The following SIL1 variants were observed in gnomAD, a reference collection of about 807,000 sequenced individuals.
SIL1 encodes nucleotide exchange factor SIL1.
Under a neutral mutation model 49.1 loss-of-function variants are expected in SIL1, and 40 were observed. The ratio of observed to expected loss-of-function variants is 0.81; its 90% CI spans 0.63 to 1.06. The LOEUF (loss-of-function observed/expected upper bound fraction) is 1.06, where lower values mean the gene tolerates loss of function less well. Among genes scored for constraint, SIL1 ranks in the 50% least tolerant of loss-of-function variants. SIL1 has a pLI of 0.00. For synonymous variants in SIL1, 253 were observed against 250.8 expected, an observed-to-expected ratio of 1.01 and a Z score of -0.08; for missense variants, 500 against 572.6, an observed-to-expected ratio of 0.87 and a Z score of 1.29.
chr5:138,966,602 G>GT lies in SIL1; in HGVS notation c.768-14719dup, dbSNP rs533240647. On this transcript the variant is annotated intron_variant, in intron 7 of 9. Transcript: ENST00000394817. ...ACTAGTACATCTTCCTGTGCCTCTT[G>GT]TGACAGAAATGCCAAAAACAAACAA... Among the ~76,000 whole-genome samples, 10 of 152,260 alleles carry GT rather than the reference G, an allele frequency of 6.6e-5. 1 individual carries two copies. Among genetic ancestry groups the GT allele is most frequent in the African/African-American group, 1.9e-4 (8 of 41,548 alleles).
intron 7 of SIL1, among the ~76,000 whole-genome samples, chr5:139,020,175 T>C (rs1039548928): frequency 9.2e-5 from 14 of 152,266 alleles, no homozygotes; most frequent in African/African-American, 2.6e-4. Context: ...GGCAGAGTGG[T>C]GATAACGGAA....
At chr5:139,018,545 G>C (rs911464340) in intron 7 of SIL1, among the ~76,000 whole-genome samples, 1 of 148,634 alleles carries the variant, frequency 6.7e-6, no homozygotes, top group African/African-American at 2.5e-5. Context: ...AGCCAAGATC[G>C]GGCCACTGTA....
intron 3 of SIL1, among the ~76,000 whole-genome samples, chr5:139,114,760 C>A (rs1186040900): frequency 1.3e-5 from 2 of 152,138 alleles, no homozygotes; most frequent in Non-Finnish European, 2.9e-5. Context: ...TGAAAAGTTG[C>A]CAGAGATAGC....
chr5:139,057,289 G>T (rs1769470688), intron 3 of SIL1, among the ~76,000 whole-genome samples: 1 of 108,176 alleles, frequency 9.2e-6, no homozygotes, highest in South Asian at 2.9e-4. Flanking sequence ...ATCCCCCTCT[G>T]CGAGAAACAC....
rs112039192 is a variant in SIL1, at chr5:139,069,975, A to G, written c.245-18929T>C. Among the ~76,000 whole-genome samples the G allele has an allele frequency of 5.5e-3, 840 of 152,272 alleles. 4 individuals carry two copies. Among genetic ancestry groups the G allele is most frequent in the African/African-American group, 0.019 (805 of 41,568 alleles). ...TTACTGTTTCGATGGGCTCTTCCTG[A>G]AGAATTTACTAGAAAATACATCCCA... On this transcript the variant is annotated intron_variant, in intron 3 of 9. Transcript: ENST00000394817.
Position 139,026,998 on chromosome 5 carries a change from G to A in SIL1, c.454-6C>T, listed in dbSNP as rs58624842. On this transcript the variant is annotated splice_polypyrimidine_tract_variant and splice_region_variant and intron_variant, in intron 5 of 9. Coordinates refer to ENST00000394817, the MANE Select transcript of SIL1 (RefSeq NM_022464.5). ...TTTACCTCAGCCTGCCTTGCCTAAGGAGAGCAGCAAAGAGGTGATTAAATT... is the reference window on the plus strand; with the variant it reads ...TTTACCTCAGCCTGCCTTGCCTAAGAAGAGCAGCAAAGAGGTGATTAAATT... The A allele has an allele frequency of 1.0e-3, 1,643 of 1,614,094 alleles. 20 individuals are homozygous for A. In the African/African-American group the frequency reaches 0.019, roughly 19 times the overall value.
At chr5:138,976,375 C>A (rs1212428406) in intron 7 of SIL1, among the ~76,000 whole-genome samples, 9 of 149,106 alleles carry the variant, frequency 6.0e-5, no homozygotes. Context: ...TGCAGTGGCA[C>A]GATCTCAGCT....
intron 9 of SIL1, among the ~76,000 whole-genome samples, chr5:138,949,131 T>G (rs1580973718): frequency 6.6e-6 from 1 of 152,252 alleles, no homozygotes; most frequent in Non-Finnish European, 1.5e-5. Flanking sequence ...GCGGATTATT[T>G]TCCCAGCACC....
At chr5:139,146,298 T>C (rs954485676) in intron 1 of SIL1, among the ~76,000 whole-genome samples, 1 of 152,204 alleles carries the variant, frequency 6.6e-6, no homozygotes, top group African/African-American at 2.4e-5. Flanking sequence ...GGCTCACACC[T>C]ATAATCCCAA....
At chr5:139,159,126 T>C (rs887043927) in intron 1 of SIL1, among the ~76,000 whole-genome samples, 3 of 150,524 alleles carry the variant, frequency 2.0e-5, no homozygotes, top group Non-Finnish European at 4.4e-5. Flanking sequence ...AGGCCCCATC[T>C]CCTCATTTAG....
In SIL1 at chr5:138,947,517, G is replaced by T; in HGVS notation, c.1030-44C>A. The T allele has an allele frequency of 6.4e-7, 1 of 1,563,508 alleles. No individual in the cohort carries two copies. The highest frequency in any genetic ancestry group is 8.8e-7 in the Non-Finnish European group (1 of 1,135,014). ...GCAGGCCAGGTAGGGTGGGGGTGGG[G>T]AGAGAACACACAGGGAGCAGTTAGC... is the stretch of plus-strand genomic sequence containing the variant. On this transcript the variant is annotated intron_variant, in intron 9 of 9. Coordinates refer to ENST00000394817, the MANE Select transcript of SIL1 (RefSeq NM_022464.5). This position sits in a 1 kb window ranked among gnomAD's most constrained non-coding sequence, Gnocchi z 4.1.
At chr5:139,181,701 A>G (rs1751986564) in intron 1 of SIL1, among the ~76,000 whole-genome samples, 1 of 152,222 alleles carries the variant, frequency 6.6e-6, no homozygotes, top group African/African-American at 2.4e-5. Context: ...AGGACCCGCC[A>G]GAGTCCAGGA....
chr5:139,197,816 G>A (rs1302389498), intron 1 of SIL1, among the ~76,000 whole-genome samples: 1 of 152,172 alleles, frequency 6.6e-6, no homozygotes. Context: ...TAACCAGTCT[G>A]TAACCTCTAA....
chr5:138,956,809 CA>C (rs1490393229), intron 7 of SIL1, among the ~76,000 whole-genome samples: 2 of 150,876 alleles, frequency 1.3e-5, no homozygotes, highest in Non-Finnish European at 3.0e-5. Context: ...ACAACAACAA[CA>C]AAAAACAAAA....
intron 3 of SIL1, among the ~76,000 whole-genome samples, chr5:139,097,608 G>T (rs57123043): frequency 0.1 from 15,085 of 151,468 alleles, 1,699 homozygotes; most frequent in African/African-American, 0.28. Context: ...CTCCCAAGCA[G>T]CTGGGACTAC....
chr5:138,969,542 TCC>T, intron 7 of SIL1, among the ~76,000 whole-genome samples: 1 of 152,178 alleles, frequency 6.6e-6, no homozygotes, highest in South Asian at 2.1e-4. Context: ...CAACCCCTGT[TCC>T]ATCTGAGAGC....
intron 5 of SIL1, chr5:139,035,599 G>T: frequency 5.4e-6 from 2 of 372,506 alleles, no homozygotes; most frequent in Non-Finnish European, 1.0e-5. Context: ...TGCCAGCACA[G>T]ACATGGCGCC....
At chr5:139,136,748 G>A (rs1293015843) in intron 1 of SIL1, among the ~76,000 whole-genome samples, 3 of 152,150 alleles carry the variant, frequency 2.0e-5, no homozygotes, top group African/African-American at 7.2e-5. Context: ...AAATTTTGAA[G>A]ATTTGAGGCC....
At chr5:139,031,357 A>G (rs1296284343) in intron 5 of SIL1, among the ~76,000 whole-genome samples, 2 of 152,062 alleles carry the variant, frequency 1.3e-5, no homozygotes. Flanking sequence ...GATGCCCACT[A>G]TTTGCTGAAA....
Sources: allele counts gnomAD v4.1 joint callset (sites outside exome capture counted in the v4.1 genomes callset), GRCh38; gene constraint gnomAD v4.1.1; non-coding constraint Gnocchi (gnomAD v3.1); transcripts MANE v1.5; gene names NCBI Gene and HGNC (gene_info 2026-07-23, HGNC 2026-07-21).